The following NRXN3 variants were observed in gnomAD, a reference collection of about 807,000 sequenced individuals.
NRXN3 encodes neurexin 3.
A neutral mutation model predicts 137.6 loss-of-function variants in NRXN3; 32 were observed. The observed-to-expected ratio is 0.23, with a 90% CI of 0.18 to 0.31. The LOEUF is 0.31. NRXN3 is among the 10% of genes least tolerant of loss of function. The pLI, the probability that NRXN3 is intolerant of heterozygous loss-of-function variation, is 1.00. For synonymous variants in NRXN3, 798 were observed against 784.5 expected (o/e 1.02, Z -0.29); for missense variants, 1,574 against 2,062.5 (o/e 0.76, Z 4.59).
At chr14:78,449,290 G>A (rs952538473) in intron 4 of NRXN3, among the ~76,000 whole-genome samples, 13 of 152,170 alleles carry the variant, frequency 8.5e-5, no homozygotes, top group African/African-American at 2.7e-4. Context: ...TTGGCTCACC[G>A]TAACCTCCGC....
At chr14:78,235,106 A>G (rs2066101842) in intron 1 of NRXN3, among the ~76,000 whole-genome samples, 1 of 150,048 alleles carries the variant, frequency 6.7e-6, no homozygotes, top group Non-Finnish European at 1.5e-5. Flanking sequence ...ATAGTTACAA[A>G]TTGTACCTTC....
chr14:79,276,173 A>T (rs915889037), intron 15 of NRXN3, among the ~76,000 whole-genome samples: 1 of 152,196 alleles, frequency 6.6e-6, no homozygotes, highest in African/African-American at 2.4e-5. Context: ...CTGGAGCTAA[A>T]AATCTTTAAA....
chr14:79,508,547 G>A (rs968529441), intron 16 of NRXN3, among the ~76,000 whole-genome samples: 23 of 151,318 alleles, frequency 1.5e-4, no homozygotes, highest in Non-Finnish European at 2.7e-4. Context: ...CTGCTACCAC[G>A]CCCGGCTAGT....
At chr14:79,190,375 A>G (rs1322453821) in intron 15 of NRXN3, among the ~76,000 whole-genome samples, 1 of 152,176 alleles carries the variant, frequency 6.6e-6, no homozygotes, top group East Asian at 1.9e-4. Flanking sequence ...AAGTATTGAA[A>G]AAATGAATTT....
At chr14:78,838,947 C>G (rs2099004595) in intron 10 of NRXN3, among the ~76,000 whole-genome samples, 1 of 152,136 alleles carries the variant, frequency 6.6e-6, no homozygotes, top group African/African-American at 2.4e-5. Flanking sequence ...CTCTACTAGC[C>G]TTGCTCATTT....
At chr14:78,637,220 T>C (rs2152556051) in intron 4 of NRXN3, among the ~76,000 whole-genome samples, 1 of 152,342 alleles carries the variant, frequency 6.6e-6, no homozygotes. Flanking sequence ...CTTGCACTTT[T>C]CACCTTCTCC....
At chr14:78,956,654 A>G (rs1567814701) in intron 10 of NRXN3, among the ~76,000 whole-genome samples, 1 of 152,190 alleles carries the variant, frequency 6.6e-6, no homozygotes, top group African/African-American at 2.4e-5. Flanking sequence ...AGCATTATTT[A>G]TGATGGGGTT....
At chr14:79,708,352 C>T (rs1295212097) in intron 19 of NRXN3, among the ~76,000 whole-genome samples, 1 of 152,020 alleles carries the variant, frequency 6.6e-6, no homozygotes, top group Non-Finnish European at 1.5e-5. Flanking sequence ...ATATTGAGGA[C>T]TTGAGGATTT....
intron 1 of NRXN3, among the ~76,000 whole-genome samples, chr14:78,229,193 G>C (rs977161466): frequency 3.3e-5 from 5 of 152,058 alleles, no homozygotes; most frequent in African/African-American, 1.2e-4. Context: ...TGGCCGTCAT[G>C]GGGGAGGCTG....
At chr14:79,188,657 A>C (rs1308619015) in intron 15 of NRXN3, among the ~76,000 whole-genome samples, 4 of 152,210 alleles carry the variant, frequency 2.6e-5, no homozygotes, top group African/African-American at 9.6e-5. Flanking sequence ...TATCTTCCAA[A>C]TGGCTTTGTA....
chr14:79,094,979 A>AGAGAGAGAGAGAGAGTGTGT (rs553957969), intron 15 of NRXN3, among the ~76,000 whole-genome samples: 6 of 115,882 alleles, frequency 5.2e-5, no homozygotes, highest in Non-Finnish European at 8.8e-5. Context: ...AGAGAGAGAG[A>AGAGAGAGAGAGAGAGTGTGT]GTGTGTGTGT....
At chr14:78,284,267 T>C (rs990485264) in intron 3 of NRXN3, among the ~76,000 whole-genome samples, 1 of 152,202 alleles carries the variant, frequency 6.6e-6, no homozygotes, top group Non-Finnish European at 1.5e-5. Flanking sequence ...CTCAAAAGAA[T>C]GCAACCCTTC....
intron 4 of NRXN3, among the ~76,000 whole-genome samples, chr14:78,489,498 T>G (rs1409222770): frequency 6.6e-6 from 1 of 152,062 alleles, no homozygotes; most frequent in Non-Finnish European, 1.5e-5. Context: ...ACAGAGGATA[T>G]TTTCACTGAT....
chr14:79,079,377 A>G (rs7160905), intron 15 of NRXN3, among the ~76,000 whole-genome samples: 9,114 of 152,284 alleles, frequency 0.06, 837 homozygotes, highest in African/African-American at 0.19. Context: ...ATATAAATAT[A>G]TCACTGAAAT....
Position 79,050,231 on chromosome 14 carries a change from C to A in NRXN3, c.3262+62090C>A, listed in dbSNP as rs114972286. On this transcript the variant is annotated intron_variant, in intron 15 of 20. Coordinates refer to ENST00000335750, the MANE Select transcript of NRXN3 (RefSeq NM_001330195.2). ...AATGAATTGATGGCCCTTTATACTGCGGTTGGACTCTTCATTCAGATTTTT... is the reference window on the plus strand; with the variant it reads ...AATGAATTGATGGCCCTTTATACTGAGGTTGGACTCTTCATTCAGATTTTT... Among the ~76,000 whole-genome samples, 962 of 152,242 alleles carry A rather than the reference C, an allele frequency of 6.3e-3. 10 individuals carry two copies. Among genetic ancestry groups the A allele is most frequent in the African/African-American group, 0.022 (912 of 41,548 alleles).
chr14:79,179,326 G>A (rs2153121534), intron 15 of NRXN3, among the ~76,000 whole-genome samples: 1 of 152,292 alleles, frequency 6.6e-6, no homozygotes, highest in East Asian at 1.9e-4. Context: ...GACTATCTCA[G>A]TGTTAGTGGA....
At chr14:79,564,054 A>G (rs947830310) in intron 16 of NRXN3, among the ~76,000 whole-genome samples, 4 of 152,110 alleles carry the variant, frequency 2.6e-5, no homozygotes, top group Non-Finnish European at 4.4e-5. Context: ...GAGTCAGGCA[A>G]TGATGCTTAG....
chr14:78,979,803 G>T (rs1234899256), intron 14 of NRXN3, among the ~76,000 whole-genome samples: 1 of 152,166 alleles, frequency 6.6e-6, no homozygotes, highest in East Asian at 1.9e-4. Flanking sequence ...AGGCAAGAGA[G>T]AACTTGTGTA....
At chr14:78,525,407 G>T (rs544595069) in intron 4 of NRXN3, among the ~76,000 whole-genome samples, 25 of 152,160 alleles carry the variant, frequency 1.6e-4, no homozygotes, top group African/African-American at 2.4e-4. Flanking sequence ...AGATGTTAAG[G>T]TTCCTTTATA....
Sources: allele counts gnomAD v4.1 joint callset (sites outside exome capture counted in the v4.1 genomes callset), GRCh38; gene constraint gnomAD v4.1.1; transcripts MANE v1.5; gene names NCBI Gene and HGNC (gene_info 2026-07-23, HGNC 2026-07-21).